The following MGST1 variants were observed in gnomAD, a reference collection of about 807,000 sequenced individuals.
MGST1 encodes glutathione S-transferase 12.
MGST1 carries 5 observed loss-of-function variants against 8.9 expected under a neutral mutation model. The observed-to-expected ratio is 0.56, with a 90% CI of 0.29 to 1.19. The LOEUF is 1.19. MGST1 is among the 50% of genes most tolerant of loss of function. MGST1 has a pLI of 0.08. For synonymous variants in MGST1, 54 were observed against 67.8 expected (o/e 0.80, Z 1.00); for missense variants, 182 against 187.4 (o/e 0.97, Z 0.17).
intron 1 of MGST1, among the ~76,000 whole-genome samples, chr12:16,393,390 G>A (rs960657452): frequency 1.3e-5 from 2 of 152,170 alleles, no homozygotes; most frequent in African/African-American, 4.8e-5. Context: ...GTTATGGGAG[G>A]AATAGCCACA....
chr12:16,354,303 A>G lies in MGST1; in HGVS notation c.51A>G (p.Ala17=), dbSNP rs2136936636. ...VMDDEVFMAF[A]SYATIILSKM... ...ATGATGAAGTATTCATGGCTTTTGCATCCTATGCAACAATTATTCTTTCAA... is the reference window on the plus strand; with the variant it reads ...ATGATGAAGTATTCATGGCTTTTGCGTCCTATGCAACAATTATTCTTTCAA... The change falls in exon 2 of 4, where the codon GCA becomes GCG. Residue 17 remains alanine, a synonymous_variant. Transcript: ENST00000396210. 1 of 1,607,942 alleles carries G rather than the reference A, an allele frequency of 6.2e-7. No homozygotes were observed. Among genetic ancestry groups the G allele is most frequent in the Non-Finnish European group, 8.5e-7 (1 of 1,177,992 alleles).
At chr12:16,374,140 T>C (rs1441017894) in intron 3 of MGST1, among the ~76,000 whole-genome samples, 1 of 152,148 alleles carries the variant, frequency 6.6e-6, no homozygotes, top group East Asian at 1.9e-4. Flanking sequence ...ACCATTAATG[T>C]TTAATCACTT....
chr12:16,573,925 C>G (rs577678788), intron 4 of MGST1: 1 of 152,222 alleles, frequency 6.6e-6, no homozygotes, highest in African/African-American at 2.4e-5. Flanking sequence ...TAGGCCCTCA[C>G]TCTATCTACA....
intron 4 of MGST1, among the ~76,000 whole-genome samples, chr12:16,505,400 A>T (rs1332450670): frequency 6.6e-6 from 1 of 152,184 alleles, no homozygotes; most frequent in Non-Finnish European, 1.5e-5. Context: ...AGGCTCCTTC[A>T]GCTTGTCAGG....
chr12:16,364,356 AACC>A lies in MGST1; in HGVS notation c.*316_*318del. 9.8e-7 allele frequency: 1 copy of A among 1,022,054 alleles called. No individual in the cohort carries two copies. Among genetic ancestry groups the A allele is most frequent in the Non-Finnish European group, 1.2e-6 (1 of 852,352 alleles). 63.3% of individuals were successfully genotyped at this position (1,022,054 alleles called of 1,614,324 possible). A position where few individuals can be genotyped will look rare whatever the true frequency, so the allele number is the denominator to read the frequency against. On this transcript the variant is annotated 3_prime_UTR_variant, in exon 4 of 4. Coordinates refer to ENST00000396210, the MANE Select transcript of MGST1 (RefSeq NM_020300.5). The surrounding 1 kb of genome is among the most constrained non-coding windows in gnomAD (Gnocchi z 5.7). ...CTATAAAAGAATTGCACGTATGAGAAACCTATATTTCAATACTGCTGAAACAGA... is the reference window on the plus strand; with the variant it reads ...CTATAAAAGAATTGCACGTATGAGAATATATTTCAATACTGCTGAAACAGA...
In MGST1 at chr12:16,400,067, C is replaced by A. The variant is rs986191210; in HGVS notation, n.778+16463C>A. ...TCCAGTTCCTCCTTAGTTAGAGCCT[C>A]TACTTTCTCCATGAAATTCTAAAAG... On this transcript the variant is annotated intron_variant and non_coding_transcript_variant, in intron 1 of 1. Transcript: ENST00000359720. 3.8e-6 allele frequency: 6 copies of A among 1,583,544 alleles called. No individual in the cohort carries two copies. In the African/African-American group the frequency reaches 8.1e-5, roughly 21 times the overall value.
chr12:16,373,586 AAAGT>A (rs2137027364), intron 3 of MGST1, among the ~76,000 whole-genome samples: 1 of 152,150 alleles, frequency 6.6e-6, no homozygotes, highest in African/African-American at 2.4e-5. Flanking sequence ...AAAATAAAAT[AAAGT>A]ATTTACTCTG....
intron 1 of MGST1, among the ~76,000 whole-genome samples, chr12:16,417,483 G>C (rs552734363): frequency 6.6e-6 from 1 of 152,238 alleles, no homozygotes; most frequent in African/African-American, 2.4e-5. Flanking sequence ...CAACTTAGCT[G>C]TATAGTATAG....
chr12:16,367,038 T>C (rs1165311727), downstream of MGST1, among the ~76,000 whole-genome samples: 2 of 152,228 alleles, frequency 1.3e-5, no homozygotes, highest in African/African-American at 2.4e-5. Context: ...TAATACTACA[T>C]GATGTAGAAT....
rs1940045510 is a variant in MGST1 at position 16,362,464 on chromosome 12, T to C, written c.222-1331T>C. The C allele has an allele frequency of 6.6e-6, 1 of 152,118 alleles. No homozygotes were observed. Among genetic ancestry groups the C allele is most frequent in the South Asian group, 2.1e-4 (1 of 4,822 alleles). 9.4% of individuals were successfully genotyped at this position (152,118 alleles called of 1,614,324 possible). A position where few individuals can be genotyped will look rare whatever the true frequency, so the allele number is the denominator to read the frequency against. ...AAGGAGAGGAGGAGAGTGACGATCG[T>C]TGAGCAGGCAATATGTAATAATTAT... On this transcript the variant is annotated intron_variant, in intron 3 of 3. Transcript: ENST00000396210. The surrounding 1 kb of genome is among the most constrained non-coding windows in gnomAD (Gnocchi z 4.4).
chr12:16,442,888 G>A (rs1040021170), downstream of MGST1, among the ~76,000 whole-genome samples: 1 of 151,708 alleles, frequency 6.6e-6, no homozygotes, highest in Non-Finnish European at 1.5e-5. This position sits in a 1 kb window ranked among gnomAD's most constrained non-coding sequence, Gnocchi z 4.5. Context: ...TCAATTTGAT[G>A]TGTCATATTG....
intron 4 of MGST1, among the ~76,000 whole-genome samples, chr12:16,499,639 A>G (rs1941492312): frequency 6.9e-6 from 1 of 145,696 alleles, no homozygotes; most frequent in Non-Finnish European, 1.5e-5. Flanking sequence ...TGAAACCCAG[A>G]AGAGTTTTTT....
At chr12:16,438,267 A>G (rs1941005697) in exon 2 of MGST1, 1 of 151,986 alleles carries the variant, frequency 6.6e-6, no homozygotes, top group Non-Finnish European at 1.5e-5. Flanking sequence ...GAGGAGGACA[A>G]AAGTAAAAGC....
At chr12:16,460,538 A>G (rs919071682) in intron 4 of MGST1, among the ~76,000 whole-genome samples, 1 of 150,894 alleles carries the variant, frequency 6.6e-6, no homozygotes, top group Admixed American at 6.6e-5. Context: ...TCCTCTGAGT[A>G]CATTCCCACT....
At chr12:16,426,209 A>C (rs1473933821) in intron 1 of MGST1, among the ~76,000 whole-genome samples, 1 of 152,096 alleles carries the variant, frequency 6.6e-6, no homozygotes, top group Non-Finnish European at 1.5e-5. Flanking sequence ...CTTACTCCTC[A>C]CTATAGGGTT....
rs1555103119 is a variant in MGST1, at chr12:16,435,994, C to CACAT, written n.779-1391_779-1390insTACA. ...AGTTATTTCCACCCTGCTGCAAATA[C>CACAT]ACACACACACACACACATAACACCT... is the stretch of plus-strand genomic sequence containing the variant. On this transcript the variant is annotated intron_variant and non_coding_transcript_variant, in intron 1 of 1. Coordinates refer to the MGST1 transcript ENST00000359720. Among the ~76,000 whole-genome samples, 12 of 150,218 alleles carry CACAT rather than the reference C, an allele frequency of 8.0e-5. No individual in the cohort carries two copies. In the East Asian group the frequency reaches 2.2e-3, roughly 27 times the overall value.
chr12:16,512,894 C>G (rs1338736211), intron 4 of MGST1, among the ~76,000 whole-genome samples: 8 of 152,066 alleles, frequency 5.3e-5, no homozygotes, highest in African/African-American at 1.9e-4. Context: ...AAATAATATG[C>G]TTGTGATAAT....
At chr12:16,403,054 T>C (rs1370973891) in intron 1 of MGST1, among the ~76,000 whole-genome samples, 2 of 151,892 alleles carry the variant, frequency 1.3e-5, no homozygotes, top group African/African-American at 2.4e-5. Context: ...TTTGACTTGA[T>C]ATAATCATTT....
At chr12:16,493,616 T>G (rs1252377580) in intron 4 of MGST1, among the ~76,000 whole-genome samples, 1 of 152,146 alleles carries the variant, frequency 6.6e-6, no homozygotes, top group Non-Finnish European at 1.5e-5. Flanking sequence ...CAGAGAAGTA[T>G]TTTGGTTAAG....
Sources: gnomAD v4.1 joint callset for allele counts (sites outside exome capture counted in the v4.1 genomes callset) on GRCh38, gnomAD v4.1.1 for gene constraint, Gnocchi (gnomAD v3.1) non-coding constraint, MANE v1.5 for transcripts, NCBI Gene and HGNC (gene_info 2026-07-23, HGNC 2026-07-21) for gene names.